Variants in RAB3GAP1 observed in about 807,000 individuals in gnomAD.
RAB3GAP1 encodes RAB3 GTPase activating protein catalytic subunit 1, also known as rab3 GTPase-activating protein catalytic subunit.
Under a neutral mutation model 130.7 loss-of-function variants are expected in RAB3GAP1, and 86 were observed. The observed-to-expected ratio is 0.66, with a 90% CI of 0.55 to 0.79. The LOEUF (loss-of-function observed/expected upper bound fraction) is 0.79, where lower values mean the gene tolerates loss of function less well. Among genes scored for constraint, RAB3GAP1 ranks in the 30% least tolerant of loss-of-function variants. The pLI, the probability that RAB3GAP1 is intolerant of heterozygous loss-of-function variation, is 0.00. For synonymous variants in RAB3GAP1, 367 were observed against 401.7 expected (o/e 0.91, Z 1.03); for missense variants, 1,029 against 1,169.4 (o/e 0.88, Z 1.75).
rs533838046 is a variant in RAB3GAP1 at position 135,155,613 on chromosome 2, C to T, written c.2289+1737C>T. Among the ~76,000 whole-genome samples the T allele has an allele frequency of 1.7e-4, 26 of 152,082 alleles. No individual in the cohort carries two copies. In the East Asian group the frequency reaches 4.6e-3, roughly 27 times the overall value. The stretch of plus-strand genomic sequence containing the variant: ...AGAAAATTAGTGGAATACAAACTTT[C>T]TATTAAACAATATGGGTGAAAGGGG... On this transcript the variant is annotated intron_variant, in intron 19 of 23. Transcript: ENST00000264158.
chr2:135,070,784 G>T (rs1386142524), intron 3 of RAB3GAP1, among the ~76,000 whole-genome samples: 2 of 152,172 alleles, frequency 1.3e-5, no homozygotes, highest in Middle Eastern at 6.8e-3. Flanking sequence ...GAGCCACCAC[G>T]CCCGGCCTGT....
chr2:135,161,954 A>T (rs981163138), intron 19 of RAB3GAP1, among the ~76,000 whole-genome samples: 7 of 152,136 alleles, frequency 4.6e-5, no homozygotes, highest in Non-Finnish European at 8.8e-5. Flanking sequence ...ACTTCTTAAA[A>T]TTTTTATTGA....
At chr2:135,113,036 A>T in intron 5 of RAB3GAP1, 115 bp from the exon 6 acceptor site, 1 of 1,415,846 alleles carries the variant, frequency 7.1e-7, no homozygotes, top group Non-Finnish European at 9.9e-7. Context: ...AAACACTTTT[A>T]GTTTAAACCT....
chr2:135,122,821 A>C (rs941208649), intron 8 of RAB3GAP1, among the ~76,000 whole-genome samples: 2 of 152,276 alleles, frequency 1.3e-5, no homozygotes, highest in Admixed American at 1.3e-4. Context: ...TCCTGGGTTC[A>C]AGCGATTCTC....
intron 7 of RAB3GAP1, among the ~76,000 whole-genome samples, chr2:135,116,294 T>G (rs1231690788): frequency 2.0e-5 from 3 of 151,834 alleles, no homozygotes; most frequent in Non-Finnish European, 4.4e-5. Flanking sequence ...ATATCGATTA[T>G]AAATAAATAT....
At chr2:135,129,962 T>G (rs1691482219) in intron 11 of RAB3GAP1, 33 bp from the exon 12 acceptor site, 3 of 1,380,272 alleles carry the variant, frequency 2.2e-6, no homozygotes, top group Non-Finnish European at 3.1e-6. Flanking sequence ...TTTTTTCAGT[T>G]AAGTGTCAAA....
chr2:135,094,228 GCTTTT>G (rs1351908628), intron 5 of RAB3GAP1, among the ~76,000 whole-genome samples: 7 of 151,930 alleles, frequency 4.6e-5, no homozygotes, highest in African/African-American at 1.5e-4. Flanking sequence ...TTGCAAGCAG[GCTTTT>G]CTTTTCTTTT....
intron 3 of RAB3GAP1, chr2:135,089,955 GA>G: frequency 4.4e-6 from 1 of 227,400 alleles, no homozygotes; most frequent in Non-Finnish European, 9.4e-6. Context: ...AGGGCTAGGG[GA>G]GGGATAGCAT....
chr2:135,136,009 T>C (rs1269330359), intron 17 of RAB3GAP1, 77 bp downstream of exon 17: 1 of 1,562,082 alleles, frequency 6.4e-7, no homozygotes, highest in Non-Finnish European at 8.8e-7. Context: ...GATAGTGCTT[T>C]GAGTAAGGAA....
At chr2:135,097,092 A>T (rs1485285109) in intron 5 of RAB3GAP1, among the ~76,000 whole-genome samples, 1 of 151,958 alleles carries the variant, frequency 6.6e-6, no homozygotes, top group East Asian at 1.9e-4. Flanking sequence ...CACTTTATAT[A>T]GTTTTTTACT....
At chr2:135,117,294 C>G (rs1219068969) in intron 7 of RAB3GAP1, among the ~76,000 whole-genome samples, 1 of 152,180 alleles carries the variant, frequency 6.6e-6, no homozygotes, top group East Asian at 1.9e-4. Flanking sequence ...TTGAAAAAGG[C>G]AAGTATTTAT....
In RAB3GAP1 at chr2:135,052,408, T is replaced by C. The variant is rs779388195; in HGVS notation, c.19-22T>C. The C allele has an allele frequency of 3.1e-6, 5 of 1,614,062 alleles. No individual in the cohort carries two copies. In the South Asian group the frequency reaches 5.5e-5, roughly 18 times the overall value. On this transcript the variant is annotated intron_variant, in intron 1 of 23. Transcript: ENST00000264158. ...TTCGCCTTGGGGCTTAATTTCTTTT[T>C]CTCTCCTTCCCCTTCCCGCAGCCCG...
intron 5 of RAB3GAP1, among the ~76,000 whole-genome samples, chr2:135,104,889 AAAACAAAC>A (rs368209526): frequency 6.6e-6 from 1 of 152,012 alleles, no homozygotes; most frequent in African/African-American, 2.4e-5. Context: ...ACTCCATCTC[AAAACAAAC>A]AAACAAACAA....
chr2:135,106,776 TAAAA>T (rs1459730758), intron 5 of RAB3GAP1, among the ~76,000 whole-genome samples: 3 of 79,384 alleles, frequency 3.8e-5, no homozygotes, highest in Admixed American at 1.2e-4. Context: ...AATAAAAAAA[TAAAA>T]AAGTAAAAAA....
intron 3 of RAB3GAP1, among the ~76,000 whole-genome samples, chr2:135,070,572 A>G (rs1319227360): frequency 1.3e-5 from 2 of 152,074 alleles, no homozygotes; most frequent in Non-Finnish European, 2.9e-5. Flanking sequence ...CAGTGGCGCA[A>G]TCTCGGCTCA....
intron 18 of RAB3GAP1, among the ~76,000 whole-genome samples, chr2:135,151,446 C>G (rs1175560657): frequency 6.6e-6 from 1 of 152,214 alleles, no homozygotes; most frequent in Non-Finnish European, 1.5e-5. Flanking sequence ...CCACAAACAC[C>G]TATGCCACTT....
intron 11 of RAB3GAP1, 110 bp from the exon 12 acceptor site, chr2:135,129,873 AATGGTTTTACTT>A (rs1558790506): frequency 1.4e-6 from 1 of 701,778 alleles, no homozygotes; most frequent in African/African-American, 1.8e-5. Flanking sequence ...GGAAAAACTG[AATGGTTTTACTT>A]TCTACCATAT....
chr2:135,155,502 G>A (rs1376679730), intron 19 of RAB3GAP1, among the ~76,000 whole-genome samples: 1 of 152,116 alleles, frequency 6.6e-6, no homozygotes, highest in Middle Eastern at 3.2e-3. Context: ...GTTTTGAGAA[G>A]CTCCTCATTA....
intron 3 of RAB3GAP1, among the ~76,000 whole-genome samples, chr2:135,088,387 CA>C (rs1231377871): frequency 6.6e-6 from 1 of 151,740 alleles, no homozygotes; most frequent in Non-Finnish European, 1.5e-5. Context: ...CCACCCCACA[CA>C]AAAAAAATTA....
Sources: gnomAD v4.1 joint callset for allele counts (sites outside exome capture counted in the v4.1 genomes callset) on GRCh38, gnomAD v4.1.1 for gene constraint, MANE v1.5 for transcripts, NCBI Gene and HGNC (gene_info 2026-07-23, HGNC 2026-07-21) for gene names.